The following TDRD3 variants were observed in gnomAD, a reference collection of about 807,000 sequenced individuals.
TDRD3 encodes the protein tudor domain containing 3.
A neutral mutation model predicts 86.7 loss-of-function variants in TDRD3; 45 were observed. That is an observed-to-expected ratio of 0.52 (90% confidence interval 0.41 to 0.67). TDRD3 has a LOEUF of 0.67. TDRD3 is among the 30% of genes least tolerant of loss of function. The probability of loss-of-function intolerance (pLI) is 0.00; values close to 1 mark genes in which losing one functional copy is unlikely to be tolerated. For synonymous variants in TDRD3, 298 were observed against 301.7 expected (o/e 0.99, Z 0.13); for missense variants, 814 against 889.0 (o/e 0.92, Z 1.07).
intron 1 of TDRD3, among the ~76,000 whole-genome samples, chr13:60,423,465 T>C (rs1954715421): frequency 6.6e-6 from 1 of 152,216 alleles, no homozygotes. Context: ...TTGAATGCTA[T>C]ACCTCGATAA....
In TDRD3 at chr13:60,535,194, G is replaced by A. The variant is rs773870173; in HGVS notation, c.2079G>A (p.Val693=). The part of the protein sequence containing the change: ...KFIDYGNYEE[V]LLSNIKPIQT... ...TTGACTACGGAAACTATGAAGAGGT[G>A]CTACTGAGCAATATCAAGCCCATTC... The change falls in exon 12 of 14, where the codon GTG becomes GTA. Residue 693 remains valine (V), a synonymous_variant. Transcript: ENST00000377881. The A allele has an allele frequency of 1.2e-6, 2 of 1,613,892 alleles. No homozygotes were observed. The highest frequency in any genetic ancestry group is 1.7e-5 in the Admixed American group (1 of 60,010).
chr13:60,562,475 A>C (rs996319695), intron 12 of TDRD3, among the ~76,000 whole-genome samples: 3 of 152,234 alleles, frequency 2.0e-5, no homozygotes, highest in African/African-American at 7.2e-5. Context: ...GTTTTGGGAA[A>C]GCAGATTTGT....
At position 60,431,946 on chromosome 13, in the gene TDRD3, T is replaced by C. The variant is rs578094689; in HGVS notation, c.42-7742T>C. On this transcript the variant is annotated intron_variant, in intron 1 of 13. Coordinates refer to ENST00000377881, the MANE Select transcript of TDRD3 (RefSeq NM_001146070.2). ...ATTTATATATAAGCCACAGAGAAAA[T>C]TAAATTTTTAAGCTAGCATTGATTC... Among the ~76,000 whole-genome samples the C allele has an allele frequency of 8.6e-5, 13 of 152,006 alleles. No homozygotes were observed. In the South Asian group the frequency reaches 2.7e-3, roughly 32 times the overall value.
chr13:60,402,617 A>T (rs999568410), intron 1 of TDRD3, among the ~76,000 whole-genome samples: 1 of 150,854 alleles, frequency 6.6e-6, no homozygotes, highest in Non-Finnish European at 1.5e-5. Context: ...ATAGCTTGGT[A>T]TACTCTTTTG....
At chr13:60,555,814 T>C (rs1300661793) in intron 12 of TDRD3, among the ~76,000 whole-genome samples, 1 of 151,946 alleles carries the variant, frequency 6.6e-6, no homozygotes, top group Non-Finnish European at 1.5e-5. Flanking sequence ...ATAGAAGTAT[T>C]TTACATAGGG....
chr13:60,426,781 G>A (rs1199760826), intron 1 of TDRD3, among the ~76,000 whole-genome samples: 1 of 152,176 alleles, frequency 6.6e-6, no homozygotes, highest in Non-Finnish European at 1.5e-5. Flanking sequence ...ACCATATACT[G>A]TCATTCATCA....
intron 10 of TDRD3, among the ~76,000 whole-genome samples, chr13:60,527,717 C>T (rs374297541): frequency 2.0e-5 from 3 of 152,080 alleles, no homozygotes; most frequent in African/African-American, 4.8e-5. Context: ...GACACTTTTT[C>T]GGTATTTCCA....
chr13:60,514,166 TTA>T (rs1207520399), intron 10 of TDRD3, among the ~76,000 whole-genome samples: 1 of 152,146 alleles, frequency 6.6e-6, no homozygotes, highest in Non-Finnish European at 1.5e-5. Context: ...AGCAAAGGTG[TTA>T]TGTTTTAGCA....
chr13:60,453,993 T>C (rs1351128005), intron 3 of TDRD3, among the ~76,000 whole-genome samples: 1 of 152,192 alleles, frequency 6.6e-6, no homozygotes, highest in African/African-American at 2.4e-5. Context: ...ATAGGAAATA[T>C]ATGTGTATTT....
intron 5 of TDRD3, among the ~76,000 whole-genome samples, chr13:60,468,767 C>A (rs1012878727): frequency 1.3e-5 from 2 of 152,112 alleles, no homozygotes; most frequent in East Asian, 3.8e-4. Flanking sequence ...TAGCTCTGAA[C>A]TTTACATGTA....
chr13:60,533,563 C>T (rs1035925635), intron 11 of TDRD3, among the ~76,000 whole-genome samples: 3 of 152,070 alleles, frequency 2.0e-5, no homozygotes, highest in East Asian at 3.9e-4. Flanking sequence ...ATCATTGGAA[C>T]CCGAGAGGCG....
intron 8 of TDRD3, among the ~76,000 whole-genome samples, chr13:60,506,995 T>C (rs572832884): frequency 4.3e-4 from 65 of 152,076 alleles, no homozygotes; most frequent in Non-Finnish European, 8.7e-4. Flanking sequence ...GCTCAAAATA[T>C]GGGGATGGAG....
intron 5 of TDRD3, among the ~76,000 whole-genome samples, chr13:60,477,389 A>AT (rs1004884566): frequency 1.3e-4 from 20 of 151,918 alleles, no homozygotes; most frequent in African/African-American, 4.8e-4. Flanking sequence ...TAATTTTTAA[A>AT]TTTTTTATAG....
intron 3 of TDRD3, among the ~76,000 whole-genome samples, chr13:60,453,672 G>A (rs1388887162): frequency 6.6e-6 from 1 of 151,900 alleles, no homozygotes. Flanking sequence ...GGCTGCTCTT[G>A]GCTAGATCAC....
intron 7 of TDRD3, 61 bp downstream of exon 7, chr13:60,486,009 G>GC: frequency 6.8e-7 from 1 of 1,469,830 alleles, no homozygotes; most frequent in East Asian, 2.5e-5. Flanking sequence ...TAGATTATTT[G>GC]TGATCGTTAT....
At chr13:60,446,655 A>C (rs1341935843) in intron 3 of TDRD3, among the ~76,000 whole-genome samples, 2 of 152,190 alleles carry the variant, frequency 1.3e-5, no homozygotes, top group African/African-American at 4.8e-5. Flanking sequence ...AGAAGCTGGC[A>C]CACAGAAATT....
intron 1 of TDRD3, among the ~76,000 whole-genome samples, chr13:60,437,121 CTTTTTTT>C (rs528500199): frequency 1.4e-5 from 1 of 73,760 alleles, no homozygotes; most frequent in African/African-American, 5.4e-5. Context: ...ATAAATTAAA[CTTTTTTT>C]TTTTTTTTTT....
At chr13:60,504,479 A>C (rs183702582) in intron 8 of TDRD3, among the ~76,000 whole-genome samples, 1 of 152,280 alleles carries the variant, frequency 6.6e-6, no homozygotes, top group Admixed American at 6.5e-5. Flanking sequence ...CATTTAGCAA[A>C]CCTAGTATCT....
At chr13:60,540,827 A>G (rs1384303315) in intron 12 of TDRD3, among the ~76,000 whole-genome samples, 1 of 152,156 alleles carries the variant, frequency 6.6e-6, no homozygotes, top group African/African-American at 2.4e-5. Flanking sequence ...TTTATTGAGT[A>G]ATGAAAATAT....
Sources: gnomAD v4.1 joint callset for allele counts (sites outside exome capture counted in the v4.1 genomes callset) on GRCh38, gnomAD v4.1.1 for gene constraint, MANE v1.5 for transcripts, NCBI Gene and HGNC (gene_info 2026-07-23, HGNC 2026-07-21) for gene names.